Variants in CIT observed in about 807,000 individuals in gnomAD.
The protein encoded by CIT is citron Rho-interacting kinase.
In CIT, 79 loss-of-function variants were observed where a neutral mutation model predicts 272.7. That is an observed-to-expected ratio of 0.29 (90% CI 0.24 to 0.35). The LOEUF (loss-of-function observed/expected upper bound fraction) is 0.35, where lower values mean the gene tolerates loss of function less well. Ranked by LOEUF, CIT falls within the 10% of genes least tolerant of loss-of-function variation. The pLI, the probability that CIT is intolerant of heterozygous loss-of-function variation, is 1.00. For synonymous variants in CIT, 948 were observed against 995.6 expected (o/e 0.95, Z 0.90); for missense variants, 1,909 against 2,618.3 (o/e 0.73, Z 5.91).
At chr12:119,744,714 C>A (rs1201178632) in intron 23 of CIT, among the ~76,000 whole-genome samples, 772 of 103,224 alleles carry the variant, frequency 7.5e-3, no homozygotes, top group East Asian at 0.016. Context: ...GACTCCGCCT[C>A]AAAAAAAAAA....
chr12:119,702,218 C>A (rs1239152796), intron 41 of CIT, among the ~76,000 whole-genome samples: 2 of 152,068 alleles, frequency 1.3e-5, no homozygotes, highest in Non-Finnish European at 2.9e-5. Flanking sequence ...AATCCTCCCA[C>A]CTCAGCCTCC....
In CIT at chr12:119,857,713, A is replaced by C; in HGVS notation, c.239-15T>G. The C allele has an allele frequency of 6.2e-7, 1 of 1,610,728 alleles. No individual in the cohort carries two copies. The highest frequency in any genetic ancestry group is 2.2e-5 in the East Asian group (1 of 44,822). On this transcript the variant is annotated splice_polypyrimidine_tract_variant and intron_variant, in intron 3 of 47. Transcript: ENST00000392521. The stretch of plus-strand genomic sequence containing the variant: ...GGTGTCGGAATCTGCAAAAGATGCA[A>C]GAGTTAGCCCCAGGTAAATAAAGCA...
At chr12:119,827,348 G>C (rs940412366) in intron 7 of CIT, among the ~76,000 whole-genome samples, 11 of 152,016 alleles carry the variant, frequency 7.2e-5, no homozygotes, top group African/African-American at 2.7e-4. Context: ...GGCTGATTCT[G>C]TTTTTTAATA....
At chr12:119,799,424 G>T (rs1240879073) in intron 10 of CIT, among the ~76,000 whole-genome samples, 1 of 152,114 alleles carries the variant, frequency 6.6e-6, no homozygotes, top group Non-Finnish European at 1.5e-5. Context: ...GTAGAGCAAG[G>T]AAGAGGCACC....
chr12:119,709,787 AGTGTGTGTGTGT>A (rs150206566), intron 39 of CIT, among the ~76,000 whole-genome samples: 6,912 of 107,580 alleles, frequency 0.064, 394 homozygotes, highest in African/African-American at 0.14. Context: ...AGAGAGAGAG[AGTGTGTGTGTGT>A]GTGTGTGTGT....
At chr12:119,719,565 G>A (rs1455102214) in intron 30 of CIT, among the ~76,000 whole-genome samples, 3 of 152,078 alleles carry the variant, frequency 2.0e-5, no homozygotes, top group Admixed American at 6.6e-5. Flanking sequence ...AATCCTTCCC[G>A]TGCAGCCAAC....
At chr12:119,721,924 A>C (rs574139553) in intron 28 of CIT, among the ~76,000 whole-genome samples, 2 of 152,314 alleles carry the variant, frequency 1.3e-5, no homozygotes, top group South Asian at 4.1e-4. Flanking sequence ...AAATCATATC[A>C]TCCCTTACTT....
intron 7 of CIT, among the ~76,000 whole-genome samples, chr12:119,830,163 A>C (rs1168348608): frequency 6.6e-6 from 1 of 150,894 alleles, no homozygotes; most frequent in Non-Finnish European, 1.5e-5. Flanking sequence ...CTTTGCACTT[A>C]ATGCAAAAAA....
chr12:119,864,334 G>T (rs1297549362), intron 3 of CIT, among the ~76,000 whole-genome samples: 18 of 151,770 alleles, frequency 1.2e-4, no homozygotes, highest in Non-Finnish European at 5.9e-5. Context: ...TTTTTTGAAG[G>T]GGGTGTTGTT....
In CIT at chr12:119,718,320, G is replaced by C; in HGVS notation, c.4093C>G (p.Pro1365Ala). 1 of 1,614,034 alleles carries C rather than the reference G, an allele frequency of 6.2e-7. No homozygotes were observed. The highest frequency in any genetic ancestry group is 1.1e-5 in the South Asian group (1 of 91,064). The change falls in exon 32 of 48, where the codon CCA becomes GCA. Residue 1365 changes from proline (P) to alanine (A), a missense_variant. Pro to Ala is a conservative substitution (Grantham distance 27, BLOSUM62 -1). Transcript: ENST00000392521. The surrounding 1 kb of genome is among the most constrained non-coding windows in gnomAD (Gnocchi z 4.8). Reference protein sequence around the residue: ...QIAMSAIVRSPEHQPSAMSLL... With the variant: ...QIAMSAIVRSAEHQPSAMSLL... ...CTCATGGCACTGGGCTGGTGCTCTGGCGACCGCACGATGGCGGACATGGCG... is the reference window on the plus strand; with the variant it reads ...CTCATGGCACTGGGCTGGTGCTCTGCCGACCGCACGATGGCGGACATGGCG...
chr12:119,779,778 C>T (rs971155825), intron 13 of CIT, among the ~76,000 whole-genome samples: 5 of 152,210 alleles, frequency 3.3e-5, no homozygotes, highest in African/African-American at 1.2e-4. Flanking sequence ...TCTGTCAGCT[C>T]TCCAAGCTCT....
chr12:119,758,406 A>G (rs573200979), intron 21 of CIT, among the ~76,000 whole-genome samples, 185 bp downstream of exon 21: 1 of 152,240 alleles, frequency 6.6e-6, no homozygotes, highest in South Asian at 2.1e-4. Context: ...AGAAAACCCG[A>G]CTCAAAAGTG....
chr12:119,704,233 G>T (rs1956750276), intron 41 of CIT, 130 bp downstream of exon 41: 3 of 776,912 alleles, frequency 3.9e-6, no homozygotes, highest in South Asian at 1.8e-5. Context: ...GTCACCCCAG[G>T]CTAAAGGCCC....
At position 119,876,193 on chromosome 12, in the gene CIT, T is replaced by A. The variant is rs748269216; in HGVS notation, c.-13-12A>T. ...TCTCCCCACTGGCGCTGAAAGGATA[T>A]CAGAAAAGTCAAGTGTGTCCTATGT... On this transcript the variant is annotated splice_polypyrimidine_tract_variant and intron_variant, in intron 1 of 47. Coordinates refer to ENST00000392521, the MANE Select transcript of CIT (RefSeq NM_001206999.2). 2.3e-5 allele frequency: 36 copies of A among 1,558,172 alleles called. No homozygotes were observed. Among genetic ancestry groups the A allele is most frequent in the South Asian group, 1.8e-4 (16 of 89,572 alleles).
intron 22 of CIT, among the ~76,000 whole-genome samples, chr12:119,754,369 G>C (rs1239557775): frequency 6.6e-6 from 1 of 152,178 alleles, no homozygotes; most frequent in African/African-American, 2.4e-5. Flanking sequence ...CATGTACAGG[G>C]TAAACACTGT....
Position 119,697,391 on chromosome 12 carries a change from C to G in CIT, c.5882+268G>C, listed in dbSNP as rs1047866974. Among the ~76,000 whole-genome samples the G allele has an allele frequency of 1.1e-4, 16 of 152,214 alleles. No individual in the cohort carries two copies. The highest frequency in any genetic ancestry group is 3.9e-4 in the African/African-American group (16 of 41,456). ...TAAAGCAATAAATGCCTAATTTGTG[C>G]TCCATTTCTCACCAAGCCAATGAAA... On this transcript the variant is annotated intron_variant, in intron 46 of 47. Transcript: ENST00000392521. The surrounding 1 kb of genome is among the most constrained non-coding windows in gnomAD (Gnocchi z 4.9).
intron 3 of CIT, among the ~76,000 whole-genome samples, chr12:119,859,217 C>T (rs1458762587): frequency 6.6e-6 from 1 of 152,196 alleles, no homozygotes; most frequent in East Asian, 1.9e-4. Flanking sequence ...CAATGCAATG[C>T]TTATAATCAA....
At chr12:119,833,984 T>C (rs1289208739) in intron 6 of CIT, 102 bp downstream of exon 6, 42 of 1,244,958 alleles carry the variant, frequency 3.4e-5, no homozygotes, top group Non-Finnish European at 4.7e-5. Flanking sequence ...GATGGGGCGT[T>C]ATCTTGATCT....
At position 119,770,962 on chromosome 12, in the gene CIT, A is replaced by G; in HGVS notation, c.2083-52T>C. 6.2e-7 allele frequency: 1 copy of G among 1,604,336 alleles called. No homozygotes were observed. On this transcript the variant is annotated intron_variant, in intron 17 of 47. Coordinates refer to ENST00000392521, the MANE Select transcript of CIT (RefSeq NM_001206999.2). This position sits in a 1 kb window ranked among gnomAD's most constrained non-coding sequence, Gnocchi z 4.4. ...TTTTAATGGAGTAACCGCTATGGGCATAACACCTGCACCGAGGGAAAGAGC... is the reference window on the plus strand; with the variant it reads ...TTTTAATGGAGTAACCGCTATGGGCGTAACACCTGCACCGAGGGAAAGAGC...
Sources: allele counts gnomAD v4.1 joint callset (sites outside exome capture counted in the v4.1 genomes callset), GRCh38; gene constraint gnomAD v4.1.1; non-coding constraint Gnocchi (gnomAD v3.1); transcripts MANE v1.5; gene names NCBI Gene and HGNC (gene_info 2026-07-23, HGNC 2026-07-21).